Variants in CHIC1 observed in about 807,000 individuals in gnomAD.
CHIC1 encodes cysteine rich hydrophobic domain 1, also known as cysteine-rich hydrophobic domain-containing protein 1.
Under a neutral mutation model 18.5 loss-of-function variants are expected in CHIC1, and 7 were observed. The ratio of observed to expected loss-of-function variants is 0.38; its 90% CI spans 0.22 to 0.71. CHIC1 has a LOEUF of 0.71. Among genes scored for constraint, CHIC1 ranks in the 30% least tolerant of loss-of-function variants. The probability of loss-of-function intolerance (pLI) is 0.49; values close to 1 mark genes in which losing one functional copy is unlikely to be tolerated. For synonymous variants in CHIC1, 77 were observed against 73.5 expected (o/e 1.05, Z -0.25); for missense variants, 159 against 176.9 (o/e 0.90, Z 0.57).
chrX:73,602,728 C>G (rs1468412675), intron 3 of CHIC1, among the ~76,000 whole-genome samples: 3 of 108,748 alleles, frequency 2.8e-5, no homozygotes, highest in African/African-American at 1.1e-4. Flanking sequence ...CAGTTTTCTG[C>G]TTATGGCTAG....
intron 3 of CHIC1, among the ~76,000 whole-genome samples, chrX:73,605,416 A>T (rs1255369494): frequency 9.3e-6 from 1 of 107,856 alleles, no homozygotes; most frequent in Non-Finnish European, 1.9e-5. Flanking sequence ...TTCTGAATAC[A>T]GCACATGGAT....
intron 3 of CHIC1, among the ~76,000 whole-genome samples, chrX:73,598,926 G>A (rs1308348936): frequency 2.8e-5 from 3 of 107,719 alleles, no homozygotes; most frequent in Non-Finnish European, 5.8e-5. Flanking sequence ...CACAATGGTT[G>A]AACTAGTTTA....
intron 2 of CHIC1, among the ~76,000 whole-genome samples, chrX:73,581,228 G>C (rs2057525474): frequency 9.0e-6 from 1 of 110,695 alleles, no homozygotes; most frequent in African/African-American, 3.3e-5. Flanking sequence ...GATCAGTCCT[G>C]CTGCGGTTTG....
intron 3 of CHIC1, among the ~76,000 whole-genome samples, chrX:73,672,655 C>A (rs1414917407): frequency 8.9e-6 from 1 of 112,208 alleles, no homozygotes; most frequent in Non-Finnish European, 1.9e-5. Context: ...AATGTAGATT[C>A]TGGATATTAG....
chrX:73,589,767 A>G (rs1289010693), intron 3 of CHIC1, among the ~76,000 whole-genome samples: 1 of 111,250 alleles, frequency 9.0e-6, no homozygotes, highest in Non-Finnish European at 1.9e-5. Context: ...TTTAGAATTT[A>G]TTGAAAAGCT....
At chrX:73,579,578 A>G (rs1441955355) in intron 2 of CHIC1, among the ~76,000 whole-genome samples, 1 of 110,439 alleles carries the variant, frequency 9.1e-6, no homozygotes, top group Non-Finnish European at 1.9e-5. Flanking sequence ...CTGAGGTATA[A>G]TATCAAATCA....
intron 3 of CHIC1, among the ~76,000 whole-genome samples, chrX:73,628,917 T>G (rs941344851): frequency 9.0e-6 from 1 of 111,307 alleles, no homozygotes; most frequent in African/African-American, 3.3e-5. Flanking sequence ...CTCTTCTACC[T>G]ATTGACTCTA....
intron 3 of CHIC1, among the ~76,000 whole-genome samples, chrX:73,671,944 G>A (rs1042333786): frequency 4.6e-5 from 5 of 109,817 alleles, no homozygotes; most frequent in African/African-American, 6.6e-5. Flanking sequence ...AACAGTCCCC[G>A]GTGTGTGATG....
chrX:73,605,790 T>A (rs1171263243), intron 3 of CHIC1, among the ~76,000 whole-genome samples: 3 of 108,754 alleles, frequency 2.8e-5, no homozygotes, highest in Non-Finnish European at 5.6e-5. Flanking sequence ...GGGTTGAAAA[T>A]TCCTTTCTTT....
At position 73,679,329 on chromosome X, in the gene CHIC1, A is replaced by C; in HGVS notation, c.511A>C (p.Arg171=). ...AAGTCTTGATCATTTTTCTTAGACC[A>C]GAAGATCAATTCAGAAGTTAATAGA... The part of the protein sequence containing the change: ...WPVICLNKRT[R]RSIQKLIEWE... Residue 171 remains arginine (R), a synonymous_variant, in exon 4 of 6, where the codon AGA becomes CGA. Transcript: ENST00000373502. The C allele has an allele frequency of 8.8e-7, 1 of 1,141,682 alleles. No individual in the cohort carries two copies. Among genetic ancestry groups the C allele is most frequent in the Non-Finnish European group, 1.2e-6 (1 of 835,788 alleles). 94.1% of individuals were successfully genotyped at this position (1,141,682 alleles called of 1,213,427 possible).
Position 73,599,650 on chromosome X carries a change from C to T in CHIC1, c.507+15078C>T, listed in dbSNP as rs111897475. On this transcript the variant is annotated intron_variant, in intron 3 of 5. Transcript: ENST00000373502. ...CAAAGATCAGATAGTTGTAGATATG[C>T]GGCGTTATTTCTGAGGGCTCTGTTC... Among the ~76,000 whole-genome samples the T allele has an allele frequency of 2.3e-3, 231 of 101,412 alleles. 4 individuals carry two copies. Among genetic ancestry groups the T allele is most frequent in the South Asian group, 4.5e-3 (10 of 2,243 alleles). The allele number at this position is 101,412 out of a possible 115,157, so 88.1% of individuals were successfully genotyped here.
At chrX:73,633,956 A>C in intron 3 of CHIC1, among the ~76,000 whole-genome samples, 1 of 110,232 alleles carries the variant, frequency 9.1e-6, no homozygotes, top group Non-Finnish European at 1.9e-5. Flanking sequence ...GATATTGTGT[A>C]ATTTTCTGTG....
At position 73,685,364 on chromosome X, in the gene CHIC1, A is replaced by T. The variant is rs1445134619; in HGVS notation, c.*4359A>T. 8.9e-6 allele frequency: 1 copy of T among 111,858 alleles called. No individual in the cohort carries two copies. Among genetic ancestry groups the T allele is most frequent in the East Asian group, 2.8e-4 (1 of 3,560 alleles). The allele number at this position is 111,858 out of a possible 1,213,427, so 9.2% of individuals were successfully genotyped here. A position where few individuals can be genotyped will look rare whatever the true frequency, so the allele number is the denominator to read the frequency against. ...GAATCTGTCTATGCAGTTGGTATTC[A>T]GGCAAGAATTTTAGCTGTAACAACA... On this transcript the variant is annotated 3_prime_UTR_variant, in exon 6 of 6. Transcript: ENST00000373502.
chrX:73,644,126 G>T, intron 3 of CHIC1, among the ~76,000 whole-genome samples: 1 of 112,593 alleles, frequency 8.9e-6, no homozygotes, highest in East Asian at 2.8e-4. Context: ...GTTTGCTAGA[G>T]TTCCACTCCA....
chrX:73,610,039 A>G (rs1355318117), intron 3 of CHIC1, among the ~76,000 whole-genome samples: 2 of 107,296 alleles, frequency 1.9e-5, no homozygotes, highest in African/African-American at 3.6e-5. Flanking sequence ...TTTTCCCCCA[A>G]TCACACACCC....
At chrX:73,674,018 T>C (rs1190027144) in intron 3 of CHIC1, among the ~76,000 whole-genome samples, 1 of 112,220 alleles carries the variant, frequency 8.9e-6, no homozygotes, top group Non-Finnish European at 1.9e-5. Flanking sequence ...ATGTAGTTTT[T>C]GTCTTTTGTT....
rs2057680733 is a variant in CHIC1 at position 73,605,896 on chromosome X, C to T, written c.507+21324C>T. ...CTGATGGGCTTCCCTTTGTGGGTAA[C>T]CCGACTTTTCTCTCTGGCTGCCCTT... On this transcript the variant is annotated intron_variant, in intron 3 of 5. Transcript: ENST00000373502. Among the ~76,000 whole-genome samples, 2 of 108,432 alleles carry T rather than the reference C, an allele frequency of 1.8e-5. 1 individual carries two copies. Among genetic ancestry groups the T allele is most frequent in the African/African-American group, 7.2e-5 (2 of 27,853 alleles). The allele number at this position is 108,432 out of a possible 115,157, so 94.2% of individuals were successfully genotyped here. A position where few individuals can be genotyped will look rare whatever the true frequency, so the allele number is the denominator to read the frequency against.
At chrX:73,658,759 G>A (rs187578170) in intron 3 of CHIC1, among the ~76,000 whole-genome samples, 5 of 111,829 alleles carry the variant, frequency 4.5e-5, no homozygotes, top group African/African-American at 1.3e-4. Flanking sequence ...GCATTTTGAT[G>A]TGGGCATTTA....
chrX:73,595,274 T>A (rs1462581824), intron 3 of CHIC1, among the ~76,000 whole-genome samples: 1 of 110,971 alleles, frequency 9.0e-6, no homozygotes, highest in African/African-American at 3.3e-5. Context: ...GCTGCACCTA[T>A]CAACCCATCA....
Sources: allele counts gnomAD v4.1 joint callset (sites outside exome capture counted in the v4.1 genomes callset), GRCh38; gene constraint gnomAD v4.1.1; transcripts MANE v1.5; gene names NCBI Gene and HGNC (gene_info 2026-07-23, HGNC 2026-07-21).